The following UBR3 variants were observed in gnomAD, a reference collection of about 807,000 sequenced individuals.
UBR3 encodes E3 ubiquitin-protein ligase UBR3.
Under a neutral mutation model 243.2 loss-of-function variants are expected in UBR3, and 85 were observed. The ratio of observed to expected loss-of-function variants is 0.35; its 90% CI spans 0.29 to 0.42. The LOEUF (loss-of-function observed/expected upper bound fraction) is 0.42. UBR3 is among the 10% of genes least tolerant of loss of function. The pLI is 1.00. For missense variants in UBR3, 1,686 were observed against 2,300.8 expected, an observed-to-expected ratio of 0.73 and a Z score of 5.47; for synonymous variants, 748 against 799.8, an observed-to-expected ratio of 0.94 and a Z score of 1.09.
intron 31 of UBR3, among the ~76,000 whole-genome samples, chr2:170,031,759 A>G (rs370791015): frequency 6.6e-6 from 1 of 152,112 alleles, no homozygotes; most frequent in Non-Finnish European, 1.5e-5. Context: ...CTCACTTATA[A>G]GTGAGAACGT....
At chr2:170,036,014 T>A (rs1447587241) in intron 31 of UBR3, among the ~76,000 whole-genome samples, 2 of 151,890 alleles carry the variant, frequency 1.3e-5, no homozygotes, top group African/African-American at 4.8e-5. Flanking sequence ...ATATTAATCT[T>A]GTGTCCTGTA....
chr2:170,074,703 A>G (rs2091768501), intron 36 of UBR3, among the ~76,000 whole-genome samples: 1 of 152,172 alleles, frequency 6.6e-6, no homozygotes, highest in African/African-American at 2.4e-5. Context: ...GACTTCCTCC[A>G]TGAAGATTTG....
chr2:169,902,652 T>G (rs1288084632), intron 8 of UBR3, among the ~76,000 whole-genome samples: 1 of 150,572 alleles, frequency 6.6e-6, no homozygotes, highest in African/African-American at 2.4e-5. Context: ...CTCTGTCACT[T>G]AGGCTGGAGT....
chr2:169,982,756 G>A (rs2088797655), intron 24 of UBR3, among the ~76,000 whole-genome samples: 1 of 151,836 alleles, frequency 6.6e-6, no homozygotes, highest in Non-Finnish European at 1.5e-5. Flanking sequence ...TTAACATACA[G>A]TAGAATTATT....
intron 1 of UBR3, among the ~76,000 whole-genome samples, chr2:169,841,863 A>G (rs2082304131): frequency 6.6e-6 from 1 of 151,814 alleles, no homozygotes; most frequent in Non-Finnish European, 1.5e-5. Context: ...GACGAGCACC[A>G]CCCCCTACTC....
intron 28 of UBR3, among the ~76,000 whole-genome samples, chr2:170,007,829 A>G (rs948623995): frequency 6.6e-6 from 1 of 152,074 alleles, no homozygotes; most frequent in African/African-American, 2.4e-5. Flanking sequence ...GTGCCACTCC[A>G]CTCCAGTCTA....
chr2:170,072,560 CTT>C (rs1280458483), intron 35 of UBR3, among the ~76,000 whole-genome samples: 1 of 151,948 alleles, frequency 6.6e-6, no homozygotes, highest in Non-Finnish European at 1.5e-5. Flanking sequence ...TACCCTAAAA[CTT>C]AAAGCATAAT....
At chr2:169,865,287 T>C (rs1475677463) in intron 1 of UBR3, among the ~76,000 whole-genome samples, 2 of 152,176 alleles carry the variant, frequency 1.3e-5, no homozygotes, top group Non-Finnish European at 2.9e-5. Context: ...ATCAATTCTT[T>C]ATTGAGCATC....
intron 29 of UBR3, among the ~76,000 whole-genome samples, chr2:170,010,925 G>C (rs967529549): frequency 6.6e-6 from 1 of 151,812 alleles, no homozygotes; most frequent in Non-Finnish European, 1.5e-5. Context: ...GAACTTGAGA[G>C]ACCAAGGCAG....
chr2:170,007,787 C>A (rs2089967627), intron 28 of UBR3, among the ~76,000 whole-genome samples: 1 of 152,014 alleles, frequency 6.6e-6, no homozygotes, highest in African/African-American at 2.4e-5. Flanking sequence ...TTGCTTAAAC[C>A]CAGGAGCCGG....
intron 26 of UBR3, 137 bp from the exon 27 acceptor site, chr2:170,001,167 T>C (rs556725363): frequency 9.5e-5 from 59 of 621,358 alleles, no homozygotes; most frequent in Admixed American, 3.8e-4. Flanking sequence ...CAGGCATTAA[T>C]TGATATCACA....
intron 1 of UBR3, among the ~76,000 whole-genome samples, chr2:169,856,748 G>T (rs1282337202): frequency 6.6e-6 from 1 of 151,896 alleles, no homozygotes; most frequent in African/African-American, 2.4e-5. Flanking sequence ...AGGAGAATCA[G>T]GCAGGGAGGT....
intron 8 of UBR3, among the ~76,000 whole-genome samples, chr2:169,904,012 T>C (rs2084923969): frequency 1.3e-5 from 2 of 152,186 alleles, no homozygotes; most frequent in Non-Finnish European, 1.5e-5. Flanking sequence ...AGCACATCTA[T>C]AAAGCATCAT....
chr2:170,008,175 T>C (rs1007823572), intron 28 of UBR3, among the ~76,000 whole-genome samples: 12 of 152,148 alleles, frequency 7.9e-5, no homozygotes, highest in Admixed American at 5.2e-4. Flanking sequence ...TATTTCACCT[T>C]CATAAAAAAA....
At chr2:169,859,260 A>T (rs951288003) in intron 1 of UBR3, among the ~76,000 whole-genome samples, 2 of 151,766 alleles carry the variant, frequency 1.3e-5, no homozygotes, top group Non-Finnish European at 2.9e-5. Flanking sequence ...TTTGGTAGAG[A>T]TGGGGTTTCA....
Position 170,024,353 on chromosome 2 carries a change from CAAA to C in UBR3, c.4454-4973_4454-4971del, listed in dbSNP as rs10606818. On this transcript the variant is annotated intron_variant, in intron 30 of 38. Transcript: ENST00000272793. ...TGGGCGACAGTGCGAGACTCCATCTCAAAAAAAAAAAAAAAAAAAAAAGAGAAA... is the reference window on the plus strand; with the variant it reads ...TGGGCGACAGTGCGAGACTCCATCTCAAAAAAAAAAAAAAAAAAAGAGAAA... Among the ~76,000 whole-genome samples the C allele has an allele frequency of 3.0e-3, 305 of 101,930 alleles. 1 individual carries two copies. The highest frequency in any genetic ancestry group is 4.9e-3 in the Middle Eastern group (1 of 206). The allele number at this position is 101,930 out of a possible 152,430, so 66.9% of individuals were successfully genotyped here. A position where few individuals can be genotyped will look rare whatever the true frequency, so the allele number is the denominator to read the frequency against.
chr2:169,909,121 C>A (rs2105335752), intron 10 of UBR3, among the ~76,000 whole-genome samples: 1 of 152,230 alleles, frequency 6.6e-6, no homozygotes, highest in South Asian at 2.1e-4. Context: ...CCACGCCCGG[C>A]CTTGATTGGT....
intron 11 of UBR3, among the ~76,000 whole-genome samples, chr2:169,915,185 C>G (rs1467289548): frequency 6.6e-6 from 1 of 151,976 alleles, no homozygotes; most frequent in African/African-American, 2.4e-5. Context: ...TATCATGTCT[C>G]TAATCTCCTT....
At chr2:169,979,939 A>G (rs2088640925) in intron 24 of UBR3, among the ~76,000 whole-genome samples, 1 of 152,230 alleles carries the variant, frequency 6.6e-6, no homozygotes, top group Non-Finnish European at 1.5e-5. Context: ...AGACTATGAC[A>G]GGAGAATATA....
Sources: gnomAD v4.1 joint callset for allele counts (sites outside exome capture counted in the v4.1 genomes callset) on GRCh38, gnomAD v4.1.1 for gene constraint, MANE v1.5 for transcripts, NCBI Gene and HGNC (gene_info 2026-07-23, HGNC 2026-07-21) for gene names.